Variants in KCNQ1 observed in about 807,000 individuals in gnomAD.
KCNQ1 encodes potassium voltage-gated channel subfamily Q member 1, also known as potassium voltage-gated channel subfamily KQT member 1.
KCNQ1 carries 49 observed loss-of-function variants against 72.4 expected under a neutral mutation model. The ratio of observed to expected loss-of-function variants is 0.68; its 90% CI spans 0.54 to 0.86. The LOEUF is 0.86. Among genes scored for constraint, KCNQ1 ranks in the 40% least tolerant of loss-of-function variants. KCNQ1 has a pLI of 0.00. For synonymous variants in KCNQ1, 450 were observed against 412.6 expected (o/e 1.09, Z -1.10); for missense variants, 790 against 945.1 (o/e 0.84, Z 2.15).
intron 2 of KCNQ1, among the ~76,000 whole-genome samples, chr11:2,540,220 C>T (rs1244567696): frequency 6.6e-6 from 1 of 152,150 alleles, no homozygotes; most frequent in African/African-American, 2.4e-5. Context: ...TGGGCAGGTG[C>T]CAGGGGAACC....
intron 2 of KCNQ1, among the ~76,000 whole-genome samples, chr11:2,535,008 G>C (rs1847705764): frequency 6.6e-6 from 1 of 152,160 alleles, no homozygotes; most frequent in African/African-American, 2.4e-5. Flanking sequence ...CAGAGGACTT[G>C]ACAGATGTGG....
chr11:2,773,652 T>G (rs1846639207), intron 12 of KCNQ1, among the ~76,000 whole-genome samples: 1 of 151,732 alleles, frequency 6.6e-6, no homozygotes, highest in Non-Finnish European at 1.5e-5. Context: ...AGGCTCAGTA[T>G]TCCATCTTAC....
chr11:2,566,739 G>A lies in KCNQ1; in HGVS notation c.478-3889G>A, dbSNP rs1290022133. Among the ~76,000 whole-genome samples the A allele has an allele frequency of 2.0e-5, 3 of 152,238 alleles. No individual in the cohort carries two copies. Among genetic ancestry groups the A allele is most frequent in the East Asian group, 1.9e-4 (1 of 5,174 alleles). ...CAGGGCCGCACTCCATCAGCATCCC[G>A]GGCCATTGCATCCTTGACCCCGGGG... is the stretch of plus-strand genomic sequence containing the variant. On this transcript the variant is annotated intron_variant, in intron 2 of 15. Transcript: ENST00000155840. The surrounding 1 kb of genome is among the most constrained non-coding windows in gnomAD (Gnocchi z 6.7).
At chr11:2,632,633 T>C in intron 10 of KCNQ1, 1 of 398,396 alleles carries the variant, frequency 2.5e-6, no homozygotes, top group Non-Finnish European at 4.4e-6. Flanking sequence ...AATTAGCATA[T>C]TCATCAACTC....
At chr11:2,811,017 G>A (rs576811209) in intron 15 of KCNQ1, among the ~76,000 whole-genome samples, 3 of 152,330 alleles carry the variant, frequency 2.0e-5, no homozygotes, top group African/African-American at 7.2e-5. Flanking sequence ...ATGGCATTCA[G>A]AGCAGCAGAT....
chr11:2,810,288 C>T (rs1847460741), intron 15 of KCNQ1, among the ~76,000 whole-genome samples: 1 of 152,180 alleles, frequency 6.6e-6, no homozygotes, highest in South Asian at 2.1e-4. Flanking sequence ...GTTCTGGGCA[C>T]TTGGTGGGCT....
rs1459961839 is a variant in KCNQ1 at position 2,564,784 on chromosome 11, A to G, written c.478-5844A>G. ...CCCTGGCGCCCATCATCTACTTTCT[A>G]CCTCTGTGAATCTGATGACTGTAGC... On this transcript the variant is annotated intron_variant, in intron 2 of 15. Coordinates refer to ENST00000155840, the MANE Select transcript of KCNQ1 (RefSeq NM_000218.3). The surrounding 1 kb of genome is among the most constrained non-coding windows in gnomAD (Gnocchi z 4.5). Among the ~76,000 whole-genome samples, 2 of 151,830 alleles carry G rather than the reference A, an allele frequency of 1.3e-5. No homozygotes were observed. Among genetic ancestry groups the G allele is most frequent in the African/African-American group, 2.4e-5 (1 of 41,326 alleles).
At chr11:2,528,395 T>A (rs1345727731) in intron 2 of KCNQ1, among the ~76,000 whole-genome samples, 1 of 152,194 alleles carries the variant, frequency 6.6e-6, no homozygotes, top group Non-Finnish European at 1.5e-5. Flanking sequence ...TCCTGGGTTA[T>A]GGCTGGCACA....
chr11:2,666,164 G>C (rs1000325669), intron 11 of KCNQ1: 2 of 398,706 alleles, frequency 5.0e-6, no homozygotes, highest in Middle Eastern at 6.3e-4. Context: ...GCAAGCCCCA[G>C]CTCGAGGTTA....
In KCNQ1 at chr11:2,772,183, C is replaced by A. The variant is rs76327973; in HGVS notation, c.1590+3264C>A. 0.045 allele frequency among the ~76,000 whole-genome samples: 6,835 copies of A among 152,124 alleles called. 329 individuals carry two copies. Among genetic ancestry groups the A allele is most frequent in the East Asian group, 0.2 (1,015 of 5,128 alleles). The stretch of plus-strand genomic sequence containing the variant: ...GGCTCCAGGGGCTCCCCTAGCCCAC[C>A]TCTCAGGATGCTTCCCTTCCTCGAC... On this transcript the variant is annotated intron_variant, in intron 12 of 15. Transcript: ENST00000155840. The surrounding 1 kb of genome is among the most constrained non-coding windows in gnomAD (Gnocchi z 6.6).
intron 10 of KCNQ1, chr11:2,644,526 A>G: frequency 2.5e-6 from 1 of 398,214 alleles, no homozygotes; most frequent in Non-Finnish European, 4.4e-6. Context: ...CTTTAATATT[A>G]TATTGAATTT....
intron 15 of KCNQ1, among the ~76,000 whole-genome samples, chr11:2,825,225 G>A (rs879625350): frequency 7.9e-5 from 12 of 152,356 alleles, no homozygotes; most frequent in Non-Finnish European, 1.5e-4. Flanking sequence ...TCGGGCGTGT[G>A]CCTTCATAGC....
chr11:2,508,703 G>A lies in KCNQ1; in HGVS notation c.387-19225G>A, dbSNP rs781499433. 1.1e-4 allele frequency among the ~76,000 whole-genome samples: 17 copies of A among 152,324 alleles called. No homozygotes were observed. The South Asian group carries it at 1.4e-3, about 13-fold the overall frequency. On this transcript the variant is annotated intron_variant, in intron 1 of 15. Coordinates refer to ENST00000155840, the MANE Select transcript of KCNQ1 (RefSeq NM_000218.3). This position sits in a 1 kb window ranked among gnomAD's most constrained non-coding sequence, Gnocchi z 6.2. Reference sequence around the variant, plus strand: ...CCCCAGGGAATCCTTGAAGATGGCAGTGACCACCTGGCTTCCTCTATAGAA... The same window carrying A: ...CCCCAGGGAATCCTTGAAGATGGCAATGACCACCTGGCTTCCTCTATAGAA...
In KCNQ1 at chr11:2,626,172, T is replaced by C. The variant is rs1589989354; in HGVS notation, c.1394-35789T>C. 2 of 398,602 alleles carry C rather than the reference T, an allele frequency of 5.0e-6. No individual in the cohort carries two copies. Among genetic ancestry groups the C allele is most frequent in the East Asian group, 7.1e-5 (2 of 28,062 alleles). 24.7% of individuals were successfully genotyped at this position (398,602 alleles called of 1,614,324 possible). On this transcript the variant is annotated intron_variant, in intron 10 of 15. Coordinates refer to ENST00000155840, the MANE Select transcript of KCNQ1 (RefSeq NM_000218.3). The surrounding 1 kb of genome is among the most constrained non-coding windows in gnomAD (Gnocchi z 4.0). ...TGTAAAGTTTTTCCCCTATGTTTCCTTATAAGACTTCATAGTTTTAGGACT... is the reference window on the plus strand; with the variant it reads ...TGTAAAGTTTTTCCCCTATGTTTCCCTATAAGACTTCATAGTTTTAGGACT...
At chr11:2,793,821 G>A (rs1016243747) in intron 15 of KCNQ1, among the ~76,000 whole-genome samples, 2 of 152,168 alleles carry the variant, frequency 1.3e-5, no homozygotes, top group African/African-American at 2.4e-5. Flanking sequence ...TCCTTAGAAT[G>A]TACAGCCCCA....
At position 2,651,974 on chromosome 11, in the gene KCNQ1, T is replaced by A. The variant is rs1437303509; in HGVS notation, c.1394-9987T>A. 1 of 398,516 alleles carries A rather than the reference T, an allele frequency of 2.5e-6. No homozygotes were observed. Among genetic ancestry groups the A allele is most frequent in the South Asian group, 1.3e-4 (1 of 7,854 alleles). The allele number at this position is 398,516 out of a possible 1,614,324, so 24.7% of individuals were successfully genotyped here. A position where few individuals can be genotyped will look rare whatever the true frequency, so the allele number is the denominator to read the frequency against. The stretch of plus-strand genomic sequence containing the variant: ...GCAGCAGTGGGGGAGCCAAGCTGAG[T>A]TGATTACTTTTGACATCAGTTGTTA... On this transcript the variant is annotated intron_variant, in intron 10 of 15. Coordinates refer to ENST00000155840, the MANE Select transcript of KCNQ1 (RefSeq NM_000218.3). This position sits in a 1 kb window ranked among gnomAD's most constrained non-coding sequence, Gnocchi z 6.1.
chr11:2,498,571 G>T lies in KCNQ1; in HGVS notation c.387-29357G>T, dbSNP rs1174487983. On this transcript the variant is annotated intron_variant, in intron 1 of 15. Coordinates refer to ENST00000155840, the MANE Select transcript of KCNQ1 (RefSeq NM_000218.3). This position sits in a 1 kb window ranked among gnomAD's most constrained non-coding sequence, Gnocchi z 4.8. The stretch of plus-strand genomic sequence containing the variant: ...GAGCATCCCAGGTCAACTTCAGACT[G>T]CTGTGCTGGCAGTGAGAATTTGAAG... 1.3e-5 allele frequency among the ~76,000 whole-genome samples: 2 copies of T among 152,216 alleles called. No individual in the cohort carries two copies. Among genetic ancestry groups the T allele is most frequent in the Admixed American group, 6.5e-5 (1 of 15,288 alleles).
rs1402958183 is a variant in KCNQ1 at position 2,486,539 on chromosome 11, T to G, written c.386+41055T>G. 5.9e-5 allele frequency among the ~76,000 whole-genome samples: 9 copies of G among 152,230 alleles called. No homozygotes were observed. The highest frequency in any genetic ancestry group is 5.9e-4 in the Admixed American group (9 of 15,286). ...TACTTTTTGTTTTGTTGCCTGTGCC[T>G]TTGGTCTTTGTGTTAGTCCATTTAG... On this transcript the variant is annotated intron_variant, in intron 1 of 15. Coordinates refer to ENST00000155840, the MANE Select transcript of KCNQ1 (RefSeq NM_000218.3). The surrounding 1 kb of genome is among the most constrained non-coding windows in gnomAD (Gnocchi z 5.0).
At position 2,614,292 on chromosome 11, in the gene KCNQ1, A is replaced by G. The variant is rs184019859; in HGVS notation, c.1393+25438A>G. On this transcript the variant is annotated intron_variant, in intron 10 of 15. Transcript: ENST00000155840. ...TGTTCTCCATGTTGACATTTAATAT[A>G]GAGTCTTCTTTTTCTGGTGATAATT... 61 of 398,506 alleles carry G rather than the reference A, an allele frequency of 1.5e-4. 1 individual carries two copies. The South Asian group carries it at 2.9e-3, about 19-fold the overall frequency. The allele number at this position is 398,506 out of a possible 1,614,324, so 24.7% of individuals were successfully genotyped here.
Sources: allele counts gnomAD v4.1 joint callset (sites outside exome capture counted in the v4.1 genomes callset), GRCh38; gene constraint gnomAD v4.1.1; non-coding constraint Gnocchi (gnomAD v3.1); transcripts MANE v1.5; gene names NCBI Gene and HGNC (gene_info 2026-07-23, HGNC 2026-07-21).